The following DLG5 variants were observed in gnomAD, a reference collection of about 807,000 sequenced individuals.
DLG5 encodes disks large homolog 5.
A neutral mutation model predicts 189.8 loss-of-function variants in DLG5; 48 were observed. The observed-to-expected ratio is 0.25, with a 90% CI of 0.20 to 0.32. The LOEUF (loss-of-function observed/expected upper bound fraction) is 0.32. Ranked by LOEUF, DLG5 falls within the 10% of genes least tolerant of loss-of-function variation. The pLI, the probability that DLG5 is intolerant of heterozygous loss-of-function variation, is 1.00. For synonymous variants in DLG5, 1,016 were observed against 1,054.1 expected, an observed-to-expected ratio of 0.96 and a Z score of 0.70; for missense variants, 2,160 against 2,544.7, an observed-to-expected ratio of 0.85 and a Z score of 3.25.
Position 77,909,624 on chromosome 10 carries a change from G to A in DLG5, c.304+16593C>T, listed in dbSNP as rs1255666501. Among the ~76,000 whole-genome samples, 7 of 152,030 alleles carry A rather than the reference G, an allele frequency of 4.6e-5. No homozygotes were observed. In the South Asian group the frequency reaches 1.2e-3, roughly 27 times the overall value. On this transcript the variant is annotated intron_variant, in intron 1 of 31. Coordinates refer to ENST00000372391, the MANE Select transcript of DLG5 (RefSeq NM_004747.4). ...TCTCTCTCCCTGGGCTCACAAAATC[G>A]GGGGAAATGCAACAAGATACAGAAA...
At chr10:77,836,289 A>G (rs1232713911) in intron 7 of DLG5, among the ~76,000 whole-genome samples, 1 of 152,100 alleles carries the variant, frequency 6.6e-6, no homozygotes, top group Non-Finnish European at 1.5e-5. Flanking sequence ...CTCCACTAAA[A>G]TTTCAAGTCA....
intron 1 of DLG5, among the ~76,000 whole-genome samples, chr10:77,916,227 A>G (rs571625087): frequency 1.9e-4 from 29 of 152,290 alleles, no homozygotes; most frequent in African/African-American, 6.7e-4. Flanking sequence ...TCAAAAAAGA[A>G]AAGAGTCACA....
At chr10:77,878,072 G>A (rs541758198) in intron 1 of DLG5, among the ~76,000 whole-genome samples, 3 of 152,264 alleles carry the variant, frequency 2.0e-5, no homozygotes, top group South Asian at 4.1e-4. Flanking sequence ...GGGCACCCCC[G>A]GCTCCCTCCT....
intron 30 of DLG5, 96 bp from the exon 31 acceptor site, chr10:77,794,213 G>A (rs983328934): frequency 1.8e-6 from 2 of 1,086,374 alleles, no homozygotes; most frequent in African/African-American, 1.5e-5. Context: ...ATCAAGGCAG[G>A]GGTAGGCTGT....
chr10:77,832,499 A>G (rs1242263624), intron 9 of DLG5, among the ~76,000 whole-genome samples: 3 of 152,160 alleles, frequency 2.0e-5, no homozygotes, highest in Non-Finnish European at 4.4e-5. Flanking sequence ...CAGAGCTCCA[A>G]TGCCTTCCAA....
chr10:77,817,804 T>C lies in DLG5; in HGVS notation c.3757A>G (p.Asn1253Asp). The change falls in exon 18 of 32, where the codon AAC (asparagine) becomes GAC (aspartate). Residue 1253 changes from asparagine to aspartate, a missense_variant. Transcript: ENST00000372391. ...AGGCGGGCGCTGGAGGGCAGTGAGT[T>C]GGACCCATGGGTGGCTCTCATCTCG... ...YSEMRATHGS[N>D]SLPSSARLGS... The C allele has an allele frequency of 6.4e-7, 1 of 1,555,250 alleles. No homozygotes were observed. Among genetic ancestry groups the C allele is most frequent in the Non-Finnish European group, 8.7e-7 (1 of 1,148,798 alleles).
intron 1 of DLG5, among the ~76,000 whole-genome samples, chr10:77,925,693 C>T (rs1846664551): frequency 6.6e-6 from 1 of 152,214 alleles, no homozygotes; most frequent in South Asian, 2.1e-4. Flanking sequence ...CACAATCAGC[C>T]ACCAGTCTGG....
At chr10:77,898,597 G>A (rs1845833057) in intron 1 of DLG5, among the ~76,000 whole-genome samples, 1 of 152,218 alleles carries the variant, frequency 6.6e-6, no homozygotes, top group Non-Finnish European at 1.5e-5. Context: ...GAACCCCAAT[G>A]ACACCACCTG....
intron 1 of DLG5, among the ~76,000 whole-genome samples, chr10:77,915,251 C>CG (rs1554833092): frequency 6.6e-6 from 1 of 151,382 alleles, no homozygotes; most frequent in African/African-American, 2.4e-5. Flanking sequence ...TGCTTGAACC[C>CG]GGGGGACGAA....
Position 77,807,961 on chromosome 10 carries a change from T to C in DLG5, c.4648-17A>G. The C allele has an allele frequency of 6.2e-7, 1 of 1,613,590 alleles. No homozygotes were observed. Among genetic ancestry groups the C allele is most frequent in the Non-Finnish European group, 8.5e-7 (1 of 1,179,896 alleles). On this transcript the variant is annotated splice_polypyrimidine_tract_variant and intron_variant, in intron 24 of 31. Coordinates refer to ENST00000372391, the MANE Select transcript of DLG5 (RefSeq NM_004747.4). ...GCTGCCATACTGCCAGGGATGGGGG[T>C]GGATGCATCAGAAGGCAGAAGCCAG...
chr10:77,853,868 G>A (rs1188112942), intron 4 of DLG5, among the ~76,000 whole-genome samples: 1 of 152,154 alleles, frequency 6.6e-6, no homozygotes, highest in Non-Finnish European at 1.5e-5. Context: ...GACCCTCAGA[G>A]GGATGCTGGG....
At chr10:77,849,113 G>C (rs1482284338) in intron 5 of DLG5, among the ~76,000 whole-genome samples, 1 of 152,064 alleles carries the variant, frequency 6.6e-6, no homozygotes, top group African/African-American at 2.4e-5. Context: ...CAAAACACCT[G>C]TGTGCTGCTC....
At chr10:77,866,809 A>G (rs1844701882) in intron 2 of DLG5, 2 of 370,080 alleles carry the variant, frequency 5.4e-6, no homozygotes, top group Non-Finnish European at 1.1e-5. Flanking sequence ...GAGCTCATAC[A>G]TTTCCTGATT....
intron 17 of DLG5, 139 bp downstream of exon 17, chr10:77,819,182 C>T (rs893734499): frequency 3.2e-6 from 4 of 1,252,794 alleles, no homozygotes; most frequent in Non-Finnish European, 4.5e-6. Flanking sequence ...CTCCCTTTCC[C>T]TGTGCTGCTC....
Position 77,821,897 on chromosome 10 carries a change from C to G in DLG5, c.2587G>C (p.Gly863Arg), listed in dbSNP as rs762876633. Residue 863 changes from glycine (G) to arginine (R), a missense_variant, in exon 15 of 32, where the codon GGC becomes CGC. Gly to Arg is a moderately radical substitution (Grantham distance 125). Transcript: ENST00000372391. ...GGCTTATGCAGAAAGGAGCTGCTGC[C>G]TCCTGGGGGGCCTGGCTCCTTCCTG... is the stretch of plus-strand genomic sequence containing the variant. Reference protein sequence around the residue: ...EDRKEPGPPGGSSSFLHKPFP... With the variant: ...EDRKEPGPPGRSSSFLHKPFP... 5.0e-6 allele frequency: 8 copies of G among 1,614,088 alleles called. No homozygotes were observed. The South Asian group carries it at 7.7e-5, about 16-fold the overall frequency.
intron 1 of DLG5, among the ~76,000 whole-genome samples, chr10:77,880,602 T>G (rs1845249132): frequency 6.6e-6 from 1 of 152,142 alleles, no homozygotes; most frequent in South Asian, 2.1e-4. Context: ...AAGCTGAATC[T>G]GCACTCCACC....
chr10:77,830,153 C>T, intron 11 of DLG5, 64 bp downstream of exon 11: 16 of 1,601,824 alleles, frequency 1.0e-5, no homozygotes, highest in South Asian at 4.5e-5. Context: ...TGGCTCTCTT[C>T]GGGTCCTCTG....
chr10:77,869,237 G>A, intron 1 of DLG5, 40 bp from the exon 2 acceptor site: 7 of 1,592,858 alleles, frequency 4.4e-6, no homozygotes, highest in Non-Finnish European at 6.0e-6. Flanking sequence ...ACCCCAAGGG[G>A]TCACTCGTCT....
chr10:77,819,439 T>TG lies in DLG5; in HGVS notation c.3552dup (p.Ser1185GlnfsTer82). 1 of 1,613,654 alleles carries TG rather than the reference T, an allele frequency of 6.2e-7. No individual in the cohort carries two copies. Among genetic ancestry groups the TG allele is most frequent in the Non-Finnish European group, 8.5e-7 (1 of 1,179,984 alleles). ...CGCAGGATGGAGCTCACAGTGGTGC[T>TG]GGGGGTCAAACTCCGGGGAACAGTG... is the stretch of plus-strand genomic sequence containing the variant. On this transcript the variant is annotated frameshift_variant, in exon 17 of 32. Transcript: ENST00000372391. LOFTEE classifies it high-confidence loss of function.
Sources: allele counts gnomAD v4.1 joint callset (sites outside exome capture counted in the v4.1 genomes callset), GRCh38; gene constraint gnomAD v4.1.1; transcripts MANE v1.5; gene names NCBI Gene and HGNC (gene_info 2026-07-23, HGNC 2026-07-21).